GNE: variants seen among roughly 807,000 people sequenced by gnomAD.
GNE encodes the protein glucosamine (UDP-N-acetyl)-2-epimerase/N-acetylmannosamine kinase.
A neutral mutation model predicts 61.8 loss-of-function variants in GNE; 41 were observed. The ratio of observed to expected loss-of-function variants is 0.66; its 90% CI spans 0.52 to 0.86. GNE has a LOEUF of 0.86. GNE is among the 40% of genes least tolerant of loss of function. The probability of loss-of-function intolerance (pLI) is 0.00; values close to 1 mark genes in which losing one functional copy is unlikely to be tolerated. For missense variants in GNE, 608 were observed against 909.1 expected (o/e 0.67, Z 4.26); for synonymous variants, 264 against 326.4 (o/e 0.81, Z 2.06).
At position 36,274,465 on chromosome 9, in the gene GNE, A is replaced by G. The variant is rs191605477; in HGVS notation, c.51+2429T>C. On this transcript the variant is annotated intron_variant, in intron 1 of 11. Coordinates refer to the GNE transcript ENST00000396594. Reference sequence around the variant, plus strand: ...ACCCTCTTTTTCCAACTGCCCATGTACCTAGTCTTCTCTGCCCTCTGGCTT... The same window carrying G: ...ACCCTCTTTTTCCAACTGCCCATGTGCCTAGTCTTCTCTGCCCTCTGGCTT... 6.1e-3 allele frequency among the ~76,000 whole-genome samples: 923 copies of G among 151,974 alleles called. 11 individuals are homozygous for G. The highest frequency in any genetic ancestry group is 0.021 in the African/African-American group (852 of 41,450).
chr9:36,241,599 A>G (rs1210200450), intron 3 of GNE, among the ~76,000 whole-genome samples: 1 of 152,144 alleles, frequency 6.6e-6, no homozygotes, highest in Non-Finnish European at 1.5e-5. Context: ...CTTTGTATCT[A>G]TCCATAATTC....
intron 3 of GNE, 103 bp from the exon 4 acceptor site, chr9:36,237,087 T>C: frequency 1.1e-6 from 1 of 905,368 alleles, no homozygotes; most frequent in Non-Finnish European, 1.8e-6. Context: ...CTTTTAAAAA[T>C]TCTACGATAG....
In GNE at chr9:36,215,575, A is replaced by G. The variant is rs1828235727; in HGVS notation, c.*1790T>C. Reference sequence around the variant, plus strand: ...GGGATCAAACCCTCTCTCTAGCCCCATAGCTTAACAGTCAAACACACCAAG... The same window carrying G: ...GGGATCAAACCCTCTCTCTAGCCCCGTAGCTTAACAGTCAAACACACCAAG... On this transcript the variant is annotated 3_prime_UTR_variant, in exon 12 of 12. Transcript: ENST00000642385. 6.6e-6 allele frequency: 1 copy of G among 152,226 alleles called. No individual in the cohort carries two copies. The highest frequency in any genetic ancestry group is 2.1e-4 in the South Asian group (1 of 4,832). 9.4% of individuals were successfully genotyped at this position (152,226 alleles called of 1,614,324 possible). A position where few individuals can be genotyped will look rare whatever the true frequency, so the allele number is the denominator to read the frequency against.
chr9:36,249,009 T>C (rs1830010369), intron 2 of GNE, among the ~76,000 whole-genome samples, 183 bp downstream of exon 2: 1 of 152,210 alleles, frequency 6.6e-6, no homozygotes, highest in Non-Finnish European at 1.5e-5. Context: ...ATTTACAATA[T>C]AAGTTTTCAC....
chr9:36,252,641 A>G (rs1830153978), intron 1 of GNE, among the ~76,000 whole-genome samples: 1 of 152,238 alleles, frequency 6.6e-6, no homozygotes, highest in Non-Finnish European at 1.5e-5. Context: ...GAAAGAAGTT[A>G]AATCTTAAAA....
chr9:36,274,068 CTGTGTGTGTGTGTGTGTGTGTG>C (rs71336439), intron 1 of GNE, among the ~76,000 whole-genome samples: 9 of 142,222 alleles, frequency 6.3e-5, no homozygotes, highest in Admixed American at 1.4e-4. Context: ...GTCTATGGTA[CTGTGTGTGTGTGTGTGTGTGTG>C]TGTGTGTGTG....
intron 4 of GNE, 25 bp from the exon 5 acceptor site, chr9:36,234,157 G>C: frequency 6.4e-7 from 1 of 1,551,472 alleles, no homozygotes; most frequent in African/African-American, 1.4e-5. Context: ...AGAACCAATT[G>C]GTAAATGGTT....
chr9:36,262,743 A>C (rs1199531746), upstream of GNE, among the ~76,000 whole-genome samples: 1 of 152,256 alleles, frequency 6.6e-6, no homozygotes, highest in East Asian at 1.9e-4. Flanking sequence ...AGAGTGGGAG[A>C]CCTTCCTACA....
At chr9:36,250,395 A>C (rs1587350231) in intron 1 of GNE, among the ~76,000 whole-genome samples, 1 of 152,142 alleles carries the variant, frequency 6.6e-6, no homozygotes, top group Admixed American at 6.6e-5. Flanking sequence ...TCCTATAAAC[A>C]CCTTAAAGTC....
chr9:36,230,187 C>T (rs148333523), intron 5 of GNE, among the ~76,000 whole-genome samples: 2 of 152,334 alleles, frequency 1.3e-5, no homozygotes, highest in East Asian at 3.9e-4. Flanking sequence ...AAGTGATCCA[C>T]CTGCCTTGGC....
upstream of GNE, among the ~76,000 whole-genome samples, chr9:36,258,865 C>T (rs1416664578): frequency 2.6e-5 from 4 of 152,140 alleles, no homozygotes; most frequent in Non-Finnish European, 5.9e-5. Context: ...CACCCCACAG[C>T]GGTCCCTGAC....
chr9:36,246,496 G>T lies in GNE; in HGVS notation c.165-14C>A. Reference sequence around the variant, plus strand: ...CGATATGTATTTCTAAAGCCGGGGAGAAATAAAGATATAAGAACATGTTCT... The same window carrying T: ...CGATATGTATTTCTAAAGCCGGGGATAAATAAAGATATAAGAACATGTTCT... On this transcript the variant is annotated splice_polypyrimidine_tract_variant and intron_variant, in intron 2 of 11. Transcript: ENST00000642385. 1.3e-6 allele frequency: 2 copies of T among 1,587,264 alleles called. No individual in the cohort carries two copies. The highest frequency in any genetic ancestry group is 2.2e-5 in the East Asian group (1 of 44,734).
intron 3 of GNE, among the ~76,000 whole-genome samples, chr9:36,242,404 T>C (rs1033598056): frequency 6.6e-6 from 1 of 152,242 alleles, no homozygotes; most frequent in African/African-American, 2.4e-5. Flanking sequence ...TGCTACATTC[T>C]GCTTTCTAAT....
chr9:36,221,127 C>T (rs1480161926), intron 9 of GNE, among the ~76,000 whole-genome samples: 2 of 152,102 alleles, frequency 1.3e-5, no homozygotes, highest in Non-Finnish European at 2.9e-5. Flanking sequence ...TCAAGACCAG[C>T]CTGACCAACG....
intron 3 of GNE, among the ~76,000 whole-genome samples, chr9:36,245,547 G>A (rs566040958): frequency 1.3e-5 from 2 of 151,624 alleles, no homozygotes; most frequent in South Asian, 2.1e-4. Flanking sequence ...GGTGGTCCAC[G>A]CTTGCAATCC....
chr9:36,246,613 A>G (rs1829886401), intron 2 of GNE, 131 bp from the exon 3 acceptor site: 3 of 650,340 alleles, frequency 4.6e-6, no homozygotes, highest in Non-Finnish European at 8.1e-6. Context: ...TATAACTTAC[A>G]AACATAAAAA....
rs1057276169 is a variant in GNE, at chr9:36,264,998, G to T, written c.51+11896C>A. ...CCGTGTTTGTTACCGCTCAAGCTAA[G>T]CTTTCGCTCGTTGTCCACCACTGCT... On this transcript the variant is annotated intron_variant, in intron 1 of 11. Coordinates refer to the GNE transcript ENST00000396594. 2.7e-5 allele frequency: 7 copies of T among 255,602 alleles called. No homozygotes were observed. In the Admixed American group the frequency reaches 2.8e-4, roughly 10 times the overall value. 15.8% of individuals were successfully genotyped at this position (255,602 alleles called of 1,614,324 possible). A position where few individuals can be genotyped will look rare whatever the true frequency, so the allele number is the denominator to read the frequency against.
chr9:36,263,661 A>G (rs1830679438), intron 1 of GNE, among the ~76,000 whole-genome samples: 2 of 152,232 alleles, frequency 1.3e-5, no homozygotes, highest in Non-Finnish European at 2.9e-5. Context: ...CAAAAAAGAA[A>G]AGGACATTAT....
At chr9:36,246,596 A>AC in intron 2 of GNE, 114 bp from the exon 3 acceptor site, 1 of 691,602 alleles carries the variant, frequency 1.4e-6, no homozygotes, top group Non-Finnish European at 2.5e-6. Flanking sequence ...AAATAAATAA[A>AC]TTGAAGTATA....
Sources: allele counts gnomAD v4.1 joint callset (sites outside exome capture counted in the v4.1 genomes callset), GRCh38; gene constraint gnomAD v4.1.1; transcripts MANE v1.5; gene names NCBI Gene and HGNC (gene_info 2026-07-23, HGNC 2026-07-21).